The following MBP variants were observed in gnomAD, a reference collection of about 807,000 sequenced individuals.
The protein encoded by MBP is myelin basic protein, also known as Golli-MBP.
Under a neutral mutation model 35.8 loss-of-function variants are expected in MBP, and 16 were observed. That is an observed-to-expected ratio of 0.45 (90% CI 0.30 to 0.68). MBP has a LOEUF of 0.68. MBP is among the 30% of genes least tolerant of loss of function. The pLI is 0.08. For synonymous variants in MBP, 143 were observed against 159.6 expected, an observed-to-expected ratio of 0.90 and a Z score of 0.78; for missense variants, 380 against 404.7, an observed-to-expected ratio of 0.94 and a Z score of 0.52.
chr18:77,029,787 CACACAA>C (rs1000112133), intron 3 of MBP, among the ~76,000 whole-genome samples: 19 of 118,100 alleles, frequency 1.6e-4, no homozygotes, highest in Non-Finnish European at 2.7e-4. Flanking sequence ...CACACACACA[CACACAA>C]ACACACACAC....
At chr18:76,984,637 C>A (rs1969429297) in intron 8 of MBP, 138 bp downstream of exon 8, 1 of 1,190,716 alleles carries the variant, frequency 8.4e-7, no homozygotes, top group South Asian at 1.4e-5. Flanking sequence ...TGAGCCCCTG[C>A]ACGCCTGCTG....
intron 4 of MBP, chr18:77,015,775 C>T: frequency 1.0e-6 from 1 of 985,442 alleles, no homozygotes; most frequent in Non-Finnish European, 1.2e-6. Context: ...CTAGAAACTC[C>T]TTAACTCCAA....
At chr18:77,100,560 C>T (rs59266522) in intron 2 of MBP, among the ~76,000 whole-genome samples, 39,982 of 134,796 alleles carry the variant, frequency 0.3, 6,000 homozygotes, top group Middle Eastern at 0.39. Flanking sequence ...GTGGTTTTTT[C>T]TTTTTTTTGA....
chr18:77,127,232 A>G (rs1038010027), intron 1 of MBP: 4 of 152,236 alleles, frequency 2.6e-5, no homozygotes, highest in Admixed American at 2.0e-4. Flanking sequence ...ACCCACAGCA[A>G]TAAGTGGAAA....
chr18:76,985,006 A>G, intron 7 of MBP, 112 bp from the exon 8 acceptor site: 1 of 1,542,354 alleles, frequency 6.5e-7, no homozygotes. Flanking sequence ...CCCGGACTGG[A>G]CTGGTGAGTG....
intron 3 of MBP, among the ~76,000 whole-genome samples, chr18:77,051,972 C>T (rs1973505713): frequency 6.6e-6 from 1 of 152,116 alleles, no homozygotes; most frequent in South Asian, 2.1e-4. Flanking sequence ...ATGCCCTTCT[C>T]TCATTGGAAC....
chr18:77,130,391 C>G (rs1224636737), intron 1 of MBP, among the ~76,000 whole-genome samples: 1 of 134,448 alleles, frequency 7.4e-6, no homozygotes, highest in Non-Finnish European at 1.5e-5. Context: ...CTTGTTTCCT[C>G]AACAGTAAAA....
chr18:76,993,323 C>T (rs887655883), intron 4 of MBP, among the ~76,000 whole-genome samples: 6 of 152,186 alleles, frequency 3.9e-5, no homozygotes, highest in East Asian at 1.9e-4. Context: ...GAGGCCGAGG[C>T]GGGCAGATTG....
Position 76,980,449 on chromosome 18 carries a change from C to T in MBP, c.893G>A (p.Gly298Glu), listed in dbSNP as rs1411635225. 1 of 1,613,742 alleles carries T rather than the reference C, an allele frequency of 6.2e-7. No individual in the cohort carries two copies. The highest frequency in any genetic ancestry group is 1.1e-5 in the South Asian group (1 of 91,060). Residue 298 changes from glycine to glutamate, a missense_variant, in exon 9 of 9, where the codon GGA becomes GAA. Coordinates refer to ENST00000355994, the MANE Select transcript of MBP (RefSeq NM_001025101.2). Reference sequence around the variant, plus strand: ...TTTTCAGCGTCTAGCCATGGGTGATCCAGAGCGACTATCTCTTCCTCCCTG... The same window carrying T: ...TTTTCAGCGTCTAGCCATGGGTGATTCAGAGCGACTATCTCTTCCTCCCTG... The part of the protein sequence containing the change: ...FKLGGRDSRS[G>E]SPMARR
At chr18:77,098,095 G>A (rs191513234) in intron 2 of MBP, among the ~76,000 whole-genome samples, 31 of 148,968 alleles carry the variant, frequency 2.1e-4, no homozygotes, top group African/African-American at 7.4e-4. Context: ...TCACTGCTCT[G>A]AGTGTGCTTT....
chr18:77,025,874 C>T (rs775297753), intron 3 of MBP, among the ~76,000 whole-genome samples: 1 of 152,104 alleles, frequency 6.6e-6, no homozygotes, highest in Non-Finnish European at 1.5e-5. Flanking sequence ...GACGGACAGG[C>T]CGAGGTTCCG....
chr18:77,053,591 G>A (rs1004161475), intron 3 of MBP, among the ~76,000 whole-genome samples: 2 of 152,108 alleles, frequency 1.3e-5, no homozygotes, highest in East Asian at 1.9e-4. Flanking sequence ...CACGAGCTGC[G>A]GGCACTTCTG....
chr18:76,990,141 C>T (rs975348271), intron 4 of MBP, 81 bp from the exon 5 acceptor site: 1 of 864,396 alleles, frequency 1.2e-6, no homozygotes, highest in Non-Finnish European at 1.8e-6. Context: ...TGGATCTCTC[C>T]TCCTTTGTAA....
chr18:77,048,144 C>T (rs996751227), intron 3 of MBP, among the ~76,000 whole-genome samples: 1 of 152,238 alleles, frequency 6.6e-6, no homozygotes, highest in African/African-American at 2.4e-5. Context: ...GGCCCTCCTT[C>T]CACACACAGC....
At chr18:77,072,936 G>T (rs1466915084) in intron 2 of MBP, among the ~76,000 whole-genome samples, 1 of 152,202 alleles carries the variant, frequency 6.6e-6, no homozygotes, top group Non-Finnish European at 1.5e-5. Flanking sequence ...TGTCAGCAAT[G>T]GTCAACCCTC....
intron 3 of MBP, among the ~76,000 whole-genome samples, chr18:77,029,361 G>C (rs1429076797): frequency 6.8e-6 from 1 of 147,568 alleles, no homozygotes; most frequent in Admixed American, 6.8e-5. Flanking sequence ...GATGGCAGCA[G>C]TACAGTCCAG....
Position 77,078,179 on chromosome 18 carries a change from C to G in MBP, c.52-11794G>C, listed in dbSNP as rs184213409. 1.2e-3 allele frequency among the ~76,000 whole-genome samples: 181 copies of G among 152,346 alleles called. 1 individual carries two copies. The highest frequency in any genetic ancestry group is 5.0e-3 in the Admixed American group (76 of 15,304). The stretch of plus-strand genomic sequence containing the variant: ...TCTTGTGATGTGTCTCAACATCTTA[C>G]GTGTTCAGGAGATGCGCTCATGCTG... On this transcript the variant is annotated intron_variant, in intron 2 of 8. Transcript: ENST00000355994.
chr18:77,133,446 C>T (rs538740672), upstream of MBP: 66 of 152,444 alleles, frequency 4.3e-4, no homozygotes, highest in African/African-American at 1.5e-3. Context: ...GGTCCTGCAG[C>T]CCAGAGACAT....
chr18:77,020,534 A>AC lies in MBP; in HGVS notation c.140-3267dup, dbSNP rs1422677689. Among the ~76,000 whole-genome samples the AC allele has an allele frequency of 1.3e-5, 2 of 151,980 alleles. No individual in the cohort carries two copies. Among genetic ancestry groups the AC allele is most frequent in the Non-Finnish European group, 2.9e-5 (2 of 67,992 alleles). On this transcript the variant is annotated intron_variant, in intron 3 of 8. Transcript: ENST00000355994. This position sits in a 1 kb window ranked among gnomAD's most constrained non-coding sequence, Gnocchi z 4.1. ...GAGAGGTGCATGGCGAAGTCCAGGA[A>AC]CCCCTCCTCAGAGTCACATGGGAGG...
Sources: allele counts gnomAD v4.1 joint callset (sites outside exome capture counted in the v4.1 genomes callset), GRCh38; gene constraint gnomAD v4.1.1; non-coding constraint Gnocchi (gnomAD v3.1); transcripts MANE v1.5; gene names NCBI Gene and HGNC (gene_info 2026-07-23, HGNC 2026-07-21).